PRRC2C: variants seen among roughly 807,000 people sequenced by gnomAD.
PRRC2C encodes the protein protein PRRC2C.
A neutral mutation model predicts 317.2 loss-of-function variants in PRRC2C; 72 were observed. That is an observed-to-expected ratio of 0.23 (90% CI 0.19 to 0.28). The LOEUF is 0.28. Ranked by LOEUF, PRRC2C falls within the 10% of genes least tolerant of loss-of-function variation. PRRC2C has a pLI of 1.00. For synonymous variants in PRRC2C, 1,296 were observed against 1,205.9 expected, an observed-to-expected ratio of 1.07 and a Z score of -1.55; for missense variants, 3,074 against 3,459.7, an observed-to-expected ratio of 0.89 and a Z score of 2.80.
rs1651560223 is a variant in PRRC2C at position 171,592,098 on chromosome 1, T to C, written c.*251T>C. ...GATGGCCATGCATCTTCAGTCAGAA[T>C]TTATATATAAATGTATGCACCCATT... On this transcript the variant is annotated 3_prime_UTR_variant, in exon 35 of 35. Transcript: ENST00000647382. 1 of 402,396 alleles carries C rather than the reference T, an allele frequency of 2.5e-6. No homozygotes were observed. The highest frequency in any genetic ancestry group is 4.0e-5 in the Admixed American group (1 of 24,950). 24.9% of individuals were successfully genotyped at this position (402,396 alleles called of 1,614,324 possible). A position where few individuals can be genotyped will look rare whatever the true frequency, so the allele number is the denominator to read the frequency against.
At chr1:171,507,337 G>T (rs1433739166) in intron 1 of PRRC2C, among the ~76,000 whole-genome samples, 1 of 152,196 alleles carries the variant, frequency 6.6e-6, no homozygotes, top group South Asian at 2.1e-4. Context: ...TGGGTTGGGT[G>T]CAGTGGCTCA....
chr1:171,512,566 TGG>T, intron 2 of PRRC2C: 11 of 270,670 alleles, frequency 4.1e-5, no homozygotes, highest in Middle Eastern at 1.4e-3. Context: ...GTTTCGTGTG[TGG>T]GGGTGTGTGT....
In PRRC2C at chr1:171,587,346, C is replaced by T. The variant is rs1572164854; in HGVS notation, c.7968+125C>T. 3.4e-6 allele frequency: 3 copies of T among 880,312 alleles called. No homozygotes were observed. In the East Asian group the frequency reaches 8.0e-5, roughly 23 times the overall value. The allele number at this position is 880,312 out of a possible 1,614,324, so 54.5% of individuals were successfully genotyped here. On this transcript the variant is annotated intron_variant, in intron 31 of 34. Coordinates refer to ENST00000647382, the MANE Select transcript of PRRC2C (RefSeq NM_001387844.1). ...TTACCACCCTGCAAAAATCTCAAAC[C>T]CCAGTATATTTACATTTTATCTATT...
intron 11 of PRRC2C, among the ~76,000 whole-genome samples, chr1:171,528,409 C>G (rs1164445762): frequency 1.3e-5 from 2 of 151,968 alleles, no homozygotes; most frequent in Non-Finnish European, 2.9e-5. Context: ...CTGCCTCAGC[C>G]TCCTGAGTTG....
At chr1:171,489,253 C>T (rs944925770) in intron 1 of PRRC2C, among the ~76,000 whole-genome samples, 12 of 152,082 alleles carry the variant, frequency 7.9e-5, no homozygotes, top group Non-Finnish European at 1.6e-4. Context: ...AGGTAACCTT[C>T]GAAGAGTTTG....
intron 27 of PRRC2C, 102 bp from the exon 28 acceptor site, chr1:171,579,722 TATTA>T: frequency 7.4e-7 from 1 of 1,346,690 alleles, no homozygotes; most frequent in Non-Finnish European, 9.9e-7. Flanking sequence ...TGATATATAG[TATTA>T]ATTTTACTCT....
At position 171,589,983 on chromosome 1, in the gene PRRC2C, CTTT is replaced by C. The variant is rs750871044; in HGVS notation, c.8436+393_8436+395del. On this transcript the variant is annotated intron_variant, in intron 34 of 34. Coordinates refer to ENST00000647382, the MANE Select transcript of PRRC2C (RefSeq NM_001387844.1). The stretch of plus-strand genomic sequence containing the variant: ...TATTATAGACTTCCCCATTTTCTTT[CTTT>C]TTTTTTTTTTTTTTAATATATATTT... 1.1e-4 allele frequency among the ~76,000 whole-genome samples: 13 copies of C among 121,056 alleles called. No individual in the cohort carries two copies. In the South Asian group the frequency reaches 1.3e-3, roughly 12 times the overall value. 79.4% of individuals were successfully genotyped at this position (121,056 alleles called of 152,430 possible).
At chr1:171,488,537 T>C (rs1666544238) in intron 1 of PRRC2C, among the ~76,000 whole-genome samples, 1 of 152,236 alleles carries the variant, frequency 6.6e-6, no homozygotes, top group South Asian at 2.1e-4. Flanking sequence ...TCTGTTGCCC[T>C]GGCTGGCCTC....
rs1345493249 is a variant in PRRC2C at position 171,584,539 on chromosome 1, A to G, written c.7749+13A>G. 4 of 1,535,570 alleles carry G rather than the reference A, an allele frequency of 2.6e-6. No individual in the cohort carries two copies. Among genetic ancestry groups the G allele is most frequent in the East Asian group, 2.4e-5 (1 of 42,048 alleles). On this transcript the variant is annotated intron_variant, in intron 30 of 34. Coordinates refer to ENST00000647382, the MANE Select transcript of PRRC2C (RefSeq NM_001387844.1). ...TGCTCTCCAGCAGGTAAACTATGGCATGGTAAATTTCCTCAATTTTCTTTA... is the reference window on the plus strand; with the variant it reads ...TGCTCTCCAGCAGGTAAACTATGGCGTGGTAAATTTCCTCAATTTTCTTTA...
At chr1:171,575,217 G>A (rs949876632) in intron 25 of PRRC2C, 89 bp downstream of exon 25, 24 of 1,250,880 alleles carry the variant, frequency 1.9e-5, no homozygotes, top group Middle Eastern at 5.5e-4. Context: ...CTAGCCCTCC[G>A]AAAATAGTAA....
In PRRC2C at chr1:171,522,233, CCCA is replaced by C; in HGVS notation, c.810_812del (p.Pro271del). The C allele has an allele frequency of 6.3e-7, 1 of 1,591,350 alleles. No homozygotes were observed. The highest frequency in any genetic ancestry group is 8.6e-7 in the Non-Finnish European group (1 of 1,160,524). ...CTCCTCTACATGGTCCCATGAGATT[CCCA>C]CCTTCTTTATCTGAAACAAACAAGT... On this transcript the variant is annotated inframe_deletion, in exon 7 of 35. Transcript: ENST00000647382.
chr1:171,539,324 G>T (rs1677493414), intron 15 of PRRC2C, among the ~76,000 whole-genome samples: 1 of 152,098 alleles, frequency 6.6e-6, no homozygotes. Context: ...TTTAATTGTG[G>T]CAGAAACCAC....
rs141380115 is a variant in PRRC2C at position 171,543,186 on chromosome 1, A to T, written c.4763+957A>T. 4.1e-3 allele frequency among the ~76,000 whole-genome samples: 622 copies of T among 150,886 alleles called. 5 individuals are homozygous for T. Among genetic ancestry groups the T allele is most frequent in the African/African-American group, 0.014 (597 of 41,224 alleles). On this transcript the variant is annotated intron_variant, in intron 16 of 34. Coordinates refer to ENST00000647382, the MANE Select transcript of PRRC2C (RefSeq NM_001387844.1). ...ATATCGAGACCATCCTGGCTAACAC[A>T]GTGAAACCCCGTCCTCTACTAAAAA... is the stretch of plus-strand genomic sequence containing the variant.
intron 23 of PRRC2C, among the ~76,000 whole-genome samples, chr1:171,568,974 T>A (rs1684201065): frequency 6.6e-6 from 1 of 152,222 alleles, no homozygotes; most frequent in Non-Finnish European, 1.5e-5. Flanking sequence ...CAAGGTTGTG[T>A]TAAAAGTCTG....
chr1:171,518,494 A>ATTTTT (rs149358002), intron 6 of PRRC2C, among the ~76,000 whole-genome samples: 2 of 72,580 alleles, frequency 2.8e-5, no homozygotes, highest in Non-Finnish European at 5.7e-5. Flanking sequence ...TTTTTTTTCA[A>ATTTTT]TTTTTTTTTT....
Position 171,537,389 on chromosome 1 carries a change from T to A in PRRC2C, c.2420T>A (p.Met807Lys). The change falls in exon 15 of 35, where the codon ATG becomes AAG. Residue 807 changes from methionine to lysine, a missense_variant. This residue lies in a region of PRRC2C where 1,320 missense variants were observed against 1,395.7 expected (regional missense o/e 0.95). Coordinates refer to ENST00000647382, the MANE Select transcript of PRRC2C (RefSeq NM_001387844.1). ...GCAATTTCCCTTTCTGAGCCTCGTA[T>A]GCTGTGGGGGTCAGATCCCTATCCT... ...DHAISLSEPR[M>K]LWGSDPYPHA... The A allele has an allele frequency of 6.3e-7, 1 of 1,588,676 alleles. No individual in the cohort carries two copies. Among genetic ancestry groups the A allele is most frequent in the Non-Finnish European group, 8.6e-7 (1 of 1,166,700 alleles).
At chr1:171,554,342 G>C (rs761170218) in intron 18 of PRRC2C, among the ~76,000 whole-genome samples, 8 of 151,976 alleles carry the variant, frequency 5.3e-5, no homozygotes, top group Non-Finnish European at 8.8e-5. Context: ...CCATCCCTTT[G>C]TTTTGAGCCT....
At position 171,523,539 on chromosome 1, in the gene PRRC2C, T is replaced by C. The variant is rs760416725; in HGVS notation, c.1055+17T>C. Reference sequence around the variant, plus strand: ...GAATAACAGGTAAGTTGTGATATCTTTTACTAATAACAGTATGAATTTGTT... The same window carrying C: ...GAATAACAGGTAAGTTGTGATATCTCTTACTAATAACAGTATGAATTTGTT... On this transcript the variant is annotated intron_variant, in intron 9 of 34. Coordinates refer to ENST00000647382, the MANE Select transcript of PRRC2C (RefSeq NM_001387844.1). The C allele has an allele frequency of 6.4e-7, 1 of 1,572,388 alleles. No homozygotes were observed. The highest frequency in any genetic ancestry group is 1.7e-5 in the Admixed American group (1 of 59,064).
At chr1:171,517,199 A>G (rs886608359) in intron 5 of PRRC2C, among the ~76,000 whole-genome samples, 4 of 152,338 alleles carry the variant, frequency 2.6e-5, no homozygotes, top group African/African-American at 9.6e-5. Context: ...AAATGAGAAT[A>G]TCACTGTCAA....
Sources: allele counts gnomAD v4.1 joint callset (sites outside exome capture counted in the v4.1 genomes callset), GRCh38; gene constraint gnomAD v4.1.1; regional missense constraint gnomAD v4.1.1; transcripts MANE v1.5; gene names NCBI Gene and HGNC (gene_info 2026-07-23, HGNC 2026-07-21).